Variants in GLRB observed in about 807,000 individuals in gnomAD.
The protein encoded by GLRB is glycine receptor subunit beta.
A neutral mutation model predicts 54.2 loss-of-function variants in GLRB; 33 were observed. The observed-to-expected ratio is 0.61, with a 90% CI of 0.46 to 0.81. GLRB has a LOEUF of 0.81. Ranked by LOEUF, GLRB falls within the 40% of genes least tolerant of loss-of-function variation. The pLI, the probability that GLRB is intolerant of heterozygous loss-of-function variation, is 0.00. For synonymous variants in GLRB, 209 were observed against 208.2 expected (o/e 1.00, Z -0.03); for missense variants, 572 against 584.6 (o/e 0.98, Z 0.22).
intron 2 of GLRB, among the ~76,000 whole-genome samples, chr4:157,118,828 T>C (rs1735699594): frequency 6.6e-6 from 1 of 151,588 alleles, no homozygotes; most frequent in South Asian, 2.1e-4. Context: ...TATAAATTAA[T>C]ATAATTTATG....
chr4:157,144,780 G>T (rs989830061), intron 8 of GLRB, among the ~76,000 whole-genome samples: 21 of 152,130 alleles, frequency 1.4e-4, no homozygotes, highest in Non-Finnish European at 2.8e-4. Flanking sequence ...CATCGAAAAG[G>T]CCTTGTGCAA....
At chr4:157,149,933 T>C (rs188082575) in intron 8 of GLRB, among the ~76,000 whole-genome samples, 1 of 152,176 alleles carries the variant, frequency 6.6e-6, no homozygotes, top group Admixed American at 6.5e-5. Flanking sequence ...ATTCCTAGTA[T>C]ATATGCTGTT....
At chr4:157,152,571 A>T in intron 8 of GLRB, 147 bp from the exon 9 acceptor site, 1 of 758,144 alleles carries the variant, frequency 1.3e-6, no homozygotes, top group Non-Finnish European at 2.4e-6. Flanking sequence ...CCTATTATTT[A>T]TTCTAGTCTT....
intron 2 of GLRB, among the ~76,000 whole-genome samples, chr4:157,082,202 A>G (rs1734245355): frequency 6.6e-6 from 1 of 152,148 alleles, no homozygotes; most frequent in African/African-American, 2.4e-5. Context: ...ATTGTTTCAT[A>G]ATGACCTCAA....
At chr4:157,076,619 C>G (rs1026317693) in intron 1 of GLRB, 4 of 152,244 alleles carry the variant, frequency 2.6e-5, no homozygotes, top group African/African-American at 9.6e-5. Flanking sequence ...TTATGAGGAT[C>G]CTCCAGTCAA....
chr4:157,138,832 C>T lies in GLRB; in HGVS notation c.634C>T (p.Arg212Ter), dbSNP rs373790643. The T allele has an allele frequency of 1.2e-5, 18 of 1,557,398 alleles. No homozygotes were observed. The highest frequency in any genetic ancestry group is 1.7e-5 in the Admixed American group (1 of 59,874). The change falls in exon 7 of 10, where the codon CGA becomes TGA. Residue 212 changes from arginine (R) to a stop codon, truncating the protein, a stop_gained. Transcript: ENST00000264428. LOFTEE classifies it high-confidence loss of function. ...ESFGYTTDDL[R>*]FIWQSGDPVQ... Reference sequence around the variant, plus strand: ...AGTTGGTTACACAACTGATGATTTACGATTTATCTGGCAGTCAGGAGATCC... The same window carrying T: ...AGTTGGTTACACAACTGATGATTTATGATTTATCTGGCAGTCAGGAGATCC...
At chr4:157,150,747 T>C (rs1736992981) in intron 8 of GLRB, among the ~76,000 whole-genome samples, 1 of 152,064 alleles carries the variant, frequency 6.6e-6, no homozygotes, top group Non-Finnish European at 1.5e-5. Flanking sequence ...CTTCCAGTCA[T>C]CCTGTTCATA....
chr4:157,119,892 C>A (rs1198143650), intron 2 of GLRB, among the ~76,000 whole-genome samples: 8 of 151,734 alleles, frequency 5.3e-5, no homozygotes, highest in Non-Finnish European at 1.2e-4. Context: ...GGTATATACA[C>A]AAAGAACTAT....
intron 9 of GLRB, among the ~76,000 whole-genome samples, chr4:157,155,439 T>C (rs560138949): frequency 9.8e-5 from 15 of 152,292 alleles, no homozygotes. Flanking sequence ...TTCGGGAATT[T>C]CCTTTACCCA....
chr4:157,102,781 T>C (rs2126485204), intron 2 of GLRB, among the ~76,000 whole-genome samples: 1 of 152,314 alleles, frequency 6.6e-6, no homozygotes, highest in East Asian at 1.9e-4. Context: ...AAGGAGGTTG[T>C]ATGCAAGCAA....
chr4:157,112,332 TA>T (rs1415811187), intron 2 of GLRB, among the ~76,000 whole-genome samples: 1 of 151,962 alleles, frequency 6.6e-6, no homozygotes, highest in East Asian at 1.9e-4. Context: ...TATATCAGAA[TA>T]AAGATCATGT....
chr4:157,131,571 C>T (rs1736216994), intron 4 of GLRB, among the ~76,000 whole-genome samples: 1 of 151,718 alleles, frequency 6.6e-6, no homozygotes, highest in African/African-American at 2.4e-5. Context: ...ATCATCTGTG[C>T]TTTGCCTCTT....
intron 2 of GLRB, among the ~76,000 whole-genome samples, chr4:157,101,934 T>G (rs1004670313): frequency 6.6e-6 from 1 of 152,150 alleles, no homozygotes; most frequent in African/African-American, 2.4e-5. Context: ...CTGGTACTAT[T>G]CACTTTTTAT....
At chr4:157,159,435 T>G (rs956847595) in intron 9 of GLRB, among the ~76,000 whole-genome samples, 9 of 152,124 alleles carry the variant, frequency 5.9e-5, no homozygotes, top group African/African-American at 2.2e-4. Context: ...TGCTTCCAGT[T>G]TTTGCCCATT....
Position 157,082,294 on chromosome 4 carries a change from C to T in GLRB, c.122+4148C>T, listed in dbSNP as rs543190203. Among the ~76,000 whole-genome samples the T allele has an allele frequency of 2.0e-4, 30 of 152,172 alleles. 1 individual carries two copies. The highest frequency in any genetic ancestry group is 7.2e-4 in the African/African-American group (30 of 41,504). Reference sequence around the variant, plus strand: ...GGATTTAGATAATCACATTCTGTGCCCCCACAGTTCCCCAATTGCCACTCA... The same window carrying T: ...GGATTTAGATAATCACATTCTGTGCTCCCACAGTTCCCCAATTGCCACTCA... On this transcript the variant is annotated intron_variant, in intron 2 of 9. Transcript: ENST00000264428.
chr4:157,094,315 T>C (rs982930219), intron 2 of GLRB, among the ~76,000 whole-genome samples: 2 of 152,238 alleles, frequency 1.3e-5, no homozygotes, highest in Admixed American at 6.5e-5. Context: ...ATATATCTTT[T>C]GTAACTGCTT....
intron 2 of GLRB, among the ~76,000 whole-genome samples, chr4:157,089,992 A>G (rs184473813): frequency 5.8e-4 from 88 of 152,208 alleles, no homozygotes; most frequent in African/African-American, 2.1e-3. Context: ...GCATCTAGCT[A>G]CTTCTCCTCA....
In GLRB at chr4:157,135,900, G is replaced by A. The variant is rs567950933; in HGVS notation, c.298-569G>A. The stretch of plus-strand genomic sequence containing the variant: ...AATGTGTGTTCCCTCTAAAGTAGAG[G>A]GCCATGCATGTCTTCCTGCAATGGA... On this transcript the variant is annotated intron_variant, in intron 4 of 9. Coordinates refer to ENST00000264428, the MANE Select transcript of GLRB (RefSeq NM_000824.5). Among the ~76,000 whole-genome samples the A allele has an allele frequency of 1.5e-3, 226 of 152,142 alleles. 1 individual carries two copies. Among genetic ancestry groups the A allele is most frequent in the African/African-American group, 5.2e-3 (215 of 41,512 alleles).
intron 8 of GLRB, 37 bp from the exon 9 acceptor site, chr4:157,152,681 T>G (rs776054584): frequency 6.3e-7 from 1 of 1,582,196 alleles, no homozygotes; most frequent in African/African-American, 1.3e-5. Context: ...CTCATAGGGA[T>G]AAAAAGCAAC....
Sources: allele counts gnomAD v4.1 joint callset (sites outside exome capture counted in the v4.1 genomes callset), GRCh38; gene constraint gnomAD v4.1.1; transcripts MANE v1.5; gene names NCBI Gene and HGNC (gene_info 2026-07-23, HGNC 2026-07-21).